Variants in RAE1 observed in about 807,000 individuals in gnomAD.
RAE1 encodes mRNA export factor RAE1.
Under a neutral mutation model 52.7 loss-of-function variants are expected in RAE1, and 13 were observed. The observed-to-expected ratio is 0.25, with a 90% CI of 0.16 to 0.39. RAE1 has a LOEUF of 0.39. Ranked by LOEUF, RAE1 falls within the 10% of genes least tolerant of loss-of-function variation. The pLI, the probability that RAE1 is intolerant of heterozygous loss-of-function variation, is 1.00. For missense variants in RAE1, 262 were observed against 459.8 expected (o/e 0.57, Z 3.93); for synonymous variants, 164 against 153.1 (o/e 1.07, Z -0.52).
chr20:57,378,776 G>A lies in RAE1; in HGVS notation c.*677G>A, dbSNP rs988841622. The A allele has an allele frequency of 1.3e-5, 2 of 152,222 alleles. No homozygotes were observed. The highest frequency in any genetic ancestry group is 6.5e-5 in the Admixed American group (1 of 15,286). The allele number at this position is 152,222 out of a possible 1,614,324, so 9.4% of individuals were successfully genotyped here. ...AAATGGGGACTGTTACTTGTGCTGG[G>A]TGACAGGCCATTTGTGGGTAACCTC... is the stretch of plus-strand genomic sequence containing the variant. On this transcript the variant is annotated 3_prime_UTR_variant, in exon 12 of 12. Coordinates refer to ENST00000395841, the MANE Select transcript of RAE1 (RefSeq NM_003610.4).
intron 8 of RAE1, among the ~76,000 whole-genome samples, chr20:57,369,192 T>C (rs542190377): frequency 3.6e-4 from 55 of 152,318 alleles, no homozygotes; most frequent in African/African-American, 1.3e-3. Flanking sequence ...TTAAAGGCAA[T>C]ATGGTTGATG....
At chr20:57,373,830 C>T (rs1474518853) in intron 10 of RAE1, 92 bp downstream of exon 10, 38 of 1,298,734 alleles carry the variant, frequency 2.9e-5, no homozygotes, top group Non-Finnish European at 4.0e-5. Flanking sequence ...AGACTCATCA[C>T]TGAAGAGCTT....
At position 57,356,429 on chromosome 20, in the gene RAE1, T is replaced by C. The variant is rs2066787962; in HGVS notation, c.196-17T>C. The C allele has an allele frequency of 6.3e-7, 1 of 1,596,642 alleles. No homozygotes were observed. The highest frequency in any genetic ancestry group is 8.6e-7 in the Non-Finnish European group (1 of 1,167,350). On this transcript the variant is annotated splice_polypyrimidine_tract_variant and intron_variant, in intron 3 of 11. Transcript: ENST00000395841. ...TCGTAATTGCTTTGTTTGCATTGAATTTTTTTGTTACTACAGGTTCGCTGC... is the reference window on the plus strand; with the variant it reads ...TCGTAATTGCTTTGTTTGCATTGAACTTTTTTGTTACTACAGGTTCGCTGC...
intron 1 of RAE1, among the ~76,000 whole-genome samples, chr20:57,353,056 G>A (rs535416887): frequency 2.0e-5 from 3 of 152,300 alleles, no homozygotes; most frequent in South Asian, 2.1e-4. Context: ...CAGTTTCTCC[G>A]TTCTGTGTTG....
chr20:57,375,093 T>C, intron 11 of RAE1: 1 of 682,686 alleles, frequency 1.5e-6, no homozygotes, highest in South Asian at 1.5e-5. Flanking sequence ...CTGCACTTTA[T>C]GAAGGGGGTG....
At chr20:57,376,161 T>C (rs1255121282) in intron 11 of RAE1, among the ~76,000 whole-genome samples, 1 of 152,204 alleles carries the variant, frequency 6.6e-6, no homozygotes, top group Non-Finnish European at 1.5e-5. Flanking sequence ...TTGCCTTCCA[T>C]CCCTCTGACC....
Position 57,354,012 on chromosome 20 carries a change from C to G in RAE1, c.-7-20C>G. On this transcript the variant is annotated intron_variant, in intron 1 of 11. Transcript: ENST00000395841. Reference sequence around the variant, plus strand: ...ATATTAAGAGAAAACCCATCCTTAACATTTTTCATTACTTTTTAGGTTCAA... The same window carrying G: ...ATATTAAGAGAAAACCCATCCTTAAGATTTTTCATTACTTTTTAGGTTCAA... 6.3e-7 allele frequency: 1 copy of G among 1,598,686 alleles called. No homozygotes were observed. Among genetic ancestry groups the G allele is most frequent in the Non-Finnish European group, 8.6e-7 (1 of 1,167,560 alleles).
chr20:57,366,978 C>G (rs750925123), intron 6 of RAE1, 30 bp from the exon 7 acceptor site: 2 of 1,592,508 alleles, frequency 1.3e-6, no homozygotes, highest in African/African-American at 1.3e-5. Context: ...TCTGAATGGT[C>G]ACATACTGGC....
chr20:57,359,724 C>G (rs1185626778), intron 4 of RAE1: 1 of 152,240 alleles, frequency 6.6e-6, no homozygotes, highest in Non-Finnish European at 1.5e-5. Flanking sequence ...TTCAGCTATT[C>G]TTGGGTAGCT....
chr20:57,366,694 T>G (rs761273659), intron 5 of RAE1, 113 bp from the exon 6 acceptor site: 2 of 1,045,596 alleles, frequency 1.9e-6, no homozygotes, highest in Non-Finnish European at 2.9e-6. Flanking sequence ...GGTTTTTGTT[T>G]GGTATGGCCC....
intron 8 of RAE1, chr20:57,373,112 C>T (rs2067060613): frequency 2.3e-5 from 6 of 259,060 alleles, no homozygotes; most frequent in South Asian, 2.3e-4. Flanking sequence ...GCAGAAGCTT[C>T]GGGTGACCTC....
At chr20:57,356,902 A>AG (rs1333493084) in intron 4 of RAE1, among the ~76,000 whole-genome samples, 1 of 152,202 alleles carries the variant, frequency 6.6e-6, no homozygotes, top group East Asian at 1.9e-4. Flanking sequence ...CGGGAGAGCC[A>AG]GGGGATGAAC....
At chr20:57,352,153 C>T (rs575799960) in intron 1 of RAE1, among the ~76,000 whole-genome samples, 93 of 122,254 alleles carry the variant, frequency 7.6e-4, no homozygotes, top group African/African-American at 3.5e-3. Context: ...CGTGTGACAG[C>T]TTTATTGAAG....
At chr20:57,375,860 C>CTTATT (rs1374778585) in intron 11 of RAE1, among the ~76,000 whole-genome samples, 1 of 152,230 alleles carries the variant, frequency 6.6e-6, no homozygotes, top group Non-Finnish European at 1.5e-5. Flanking sequence ...TGCTTCTTGG[C>CTTATT]CATGTCCTGG....
intron 8 of RAE1, among the ~76,000 whole-genome samples, chr20:57,370,107 T>A (rs1357303236): frequency 6.6e-6 from 1 of 152,180 alleles, no homozygotes; most frequent in Non-Finnish European, 1.5e-5. Context: ...CACATCCTCC[T>A]CCAGTACTGC....
chr20:57,374,988 T>C (rs551446929), intron 11 of RAE1, 187 bp downstream of exon 11: 1 of 742,220 alleles, frequency 1.3e-6, no homozygotes, highest in East Asian at 2.7e-5. Context: ...CAGTACAGCC[T>C]TTGGCCAGAA....
intron 11 of RAE1, 151 bp downstream of exon 11, chr20:57,374,952 G>T: frequency 1.2e-6 from 1 of 846,224 alleles, no homozygotes; most frequent in Non-Finnish European, 2.0e-6. Context: ...GAAATTGCAG[G>T]ACTTCCTCAA....
chr20:57,370,316 T>C (rs1162489201), intron 8 of RAE1, among the ~76,000 whole-genome samples: 1 of 152,206 alleles, frequency 6.6e-6, no homozygotes, highest in South Asian at 2.1e-4. Flanking sequence ...GAACAGAGCT[T>C]CATTCACTGT....
At chr20:57,354,618 GA>G (rs2066757622) in intron 2 of RAE1, 93 bp from the exon 3 acceptor site, 2 of 838,388 alleles carry the variant, frequency 2.4e-6, no homozygotes, top group Non-Finnish European at 3.6e-6. Flanking sequence ...TGTACACAAG[GA>G]AAGGCCACCG....
Sources: gnomAD v4.1 joint callset for allele counts (sites outside exome capture counted in the v4.1 genomes callset) on GRCh38, gnomAD v4.1.1 for gene constraint, MANE v1.5 for transcripts, NCBI Gene and HGNC (gene_info 2026-07-23, HGNC 2026-07-21) for gene names.